Variants in LINGO2 observed in about 807,000 individuals in gnomAD.
LINGO2 encodes leucine-rich repeat and immunoglobulin-like domain-containing nogo receptor-interacting protein 2.
LINGO2 carries 14 observed loss-of-function variants against 30.6 expected under a neutral mutation model. The observed-to-expected ratio is 0.46, with a 90% CI of 0.30 to 0.72. The LOEUF (loss-of-function observed/expected upper bound fraction) is 0.72, where lower values mean the gene tolerates loss of function less well. Among genes scored for constraint, LINGO2 ranks in the 30% least tolerant of loss-of-function variants. The probability of loss-of-function intolerance (pLI) is 0.07; values close to 1 mark genes in which losing one functional copy is unlikely to be tolerated. For missense variants in LINGO2, 729 were observed against 751.7 expected (o/e 0.97, Z 0.35); for synonymous variants, 317 against 288.5 (o/e 1.10, Z -1.00).
chr9:28,019,441 G>C (rs1422319785), intron 4 of LINGO2, among the ~76,000 whole-genome samples: 1 of 151,948 alleles, frequency 6.6e-6, no homozygotes, highest in African/African-American at 2.4e-5. Context: ...CCCTAATCTG[G>C]TCTTTTATGT....
intron 1 of LINGO2, among the ~76,000 whole-genome samples, chr9:28,515,753 G>A (rs993259726): frequency 6.6e-6 from 1 of 152,130 alleles, no homozygotes; most frequent in Non-Finnish European, 1.5e-5. Flanking sequence ...AAGGATTTTA[G>A]AACATTAAAT....
At chr9:27,959,687 C>T (rs1432440118) in intron 5 of LINGO2, among the ~76,000 whole-genome samples, 2 of 152,050 alleles carry the variant, frequency 1.3e-5, no homozygotes, top group Non-Finnish European at 2.9e-5. Context: ...TTTATTGGAC[C>T]AGCGTATGAT....
At chr9:28,497,312 T>G (rs1038861120) in intron 1 of LINGO2, among the ~76,000 whole-genome samples, 1 of 152,224 alleles carries the variant, frequency 6.6e-6, no homozygotes, top group African/African-American at 2.4e-5. Context: ...GACACAGATT[T>G]GGTCTTTTCA....
At chr9:28,062,516 TATTGTATATAC>T (rs1825177565) in intron 4 of LINGO2, among the ~76,000 whole-genome samples, 1 of 145,342 alleles carries the variant, frequency 6.9e-6, no homozygotes. Flanking sequence ...ATATATACTA[TATTGTATATAC>T]ATATACATAT....
At chr9:28,032,970 C>G (rs1372008459) in intron 4 of LINGO2, among the ~76,000 whole-genome samples, 1 of 146,248 alleles carries the variant, frequency 6.8e-6, no homozygotes, top group East Asian at 1.9e-4. Context: ...TTCATTCTTT[C>G]TCTGATAATT....
chr9:28,938,117 T>C, the LINGO2 span, among the ~76,000 whole-genome samples: 1 of 152,242 alleles, frequency 6.6e-6, no homozygotes, highest in South Asian at 2.1e-4. Context: ...TGTTCCATTC[T>C]ATAGAATTTC....
chr9:28,061,529 G>T (rs934761726), intron 4 of LINGO2, among the ~76,000 whole-genome samples: 7 of 151,614 alleles, frequency 4.6e-5, no homozygotes, highest in Admixed American at 3.9e-4. Flanking sequence ...CCTTACACAT[G>T]ATTGTAAATG....
intron 5 of LINGO2, among the ~76,000 whole-genome samples, chr9:27,981,578 AAAG>A (rs1279120697): frequency 4.2e-4 from 62 of 148,864 alleles, no homozygotes; most frequent in Non-Finnish European, 4.2e-4. Context: ...AAGAAAAAAA[AAAG>A]AAAAAAAATT....
the LINGO2 span, among the ~76,000 whole-genome samples, chr9:28,917,055 C>A: frequency 2.0e-5 from 3 of 152,288 alleles, no homozygotes; most frequent in South Asian, 6.2e-4. Flanking sequence ...TGTCTTACTT[C>A]CCTTTCTACC....
At chr9:28,398,378 A>C (rs1424670669) in intron 2 of LINGO2, among the ~76,000 whole-genome samples, 1 of 152,124 alleles carries the variant, frequency 6.6e-6, no homozygotes, top group Non-Finnish European at 1.5e-5. Context: ...CCTTTTTATA[A>C]TCTGGTTATG....
chr9:27,987,822 C>A (rs1821196623), intron 5 of LINGO2, among the ~76,000 whole-genome samples: 1 of 151,902 alleles, frequency 6.6e-6, no homozygotes, highest in Non-Finnish European at 1.5e-5. Flanking sequence ...TACACACACA[C>A]AAAATCCCAA....
the LINGO2 span, among the ~76,000 whole-genome samples, chr9:29,036,512 G>C: frequency 6.6e-6 from 1 of 151,882 alleles, no homozygotes; most frequent in East Asian, 1.9e-4. Context: ...AAAGGAAAAG[G>C]GATTGGAAAT....
At chr9:28,407,475 G>T (rs146294792) in intron 2 of LINGO2, among the ~76,000 whole-genome samples, 1 of 152,070 alleles carries the variant, frequency 6.6e-6, no homozygotes, top group Non-Finnish European at 1.5e-5. Flanking sequence ...AAGCACAGAC[G>T]CACATTTCTC....
chr9:28,011,155 A>C (rs1259036125), intron 5 of LINGO2, among the ~76,000 whole-genome samples: 2 of 152,202 alleles, frequency 1.3e-5, no homozygotes, highest in Non-Finnish European at 2.9e-5. Flanking sequence ...AGAATGAGAA[A>C]GTCAAATGTA....
intron 1 of LINGO2, among the ~76,000 whole-genome samples, chr9:28,481,413 T>C (rs928497642): frequency 6.6e-6 from 1 of 152,126 alleles, no homozygotes; most frequent in African/African-American, 2.4e-5. Context: ...CTAATTTGCA[T>C]GATTAGCCAC....
intron 2 of LINGO2, among the ~76,000 whole-genome samples, chr9:28,441,576 C>A (rs755709541): frequency 2.7e-4 from 41 of 151,980 alleles, no homozygotes; most frequent in Non-Finnish European, 5.1e-4. Context: ...TTTTCTCATA[C>A]CAGTTGTCTA....
the LINGO2 span, among the ~76,000 whole-genome samples, chr9:28,740,694 G>A: frequency 1.6e-4 from 24 of 151,640 alleles, no homozygotes; most frequent in South Asian, 6.2e-4. Context: ...ATGTAAAATT[G>A]TATATATTTT....
intron 1 of LINGO2, among the ~76,000 whole-genome samples, chr9:28,649,270 T>G (rs1401933336): frequency 6.6e-6 from 1 of 152,122 alleles, no homozygotes; most frequent in African/African-American, 2.4e-5. Context: ...AACATTCTAA[T>G]AGCAATAGTA....
chr9:28,456,680 G>GT (rs1030117843), intron 2 of LINGO2, among the ~76,000 whole-genome samples: 1 of 151,910 alleles, frequency 6.6e-6, no homozygotes, highest in Non-Finnish European at 1.5e-5. Context: ...GCCAGATGGA[G>GT]TTTTTTTTCT....
Sources: gnomAD v4.1 joint callset for allele counts (sites outside exome capture counted in the v4.1 genomes callset) on GRCh38, gnomAD v4.1.1 for gene constraint, MANE v1.5 for transcripts, NCBI Gene and HGNC (gene_info 2026-07-23, HGNC 2026-07-21) for gene names.